ZSCAN30: variants seen among roughly 807,000 people sequenced by gnomAD.
The protein encoded by ZSCAN30 is zinc finger and SCAN domain containing 30, also known as zinc finger and SCAN domain-containing protein 30.
ZSCAN30 carries 37 observed loss-of-function variants against 44.3 expected under a neutral mutation model. That is an observed-to-expected ratio of 0.84 (90% CI 0.64 to 1.10). ZSCAN30 has a LOEUF of 1.10. Among genes scored for constraint, ZSCAN30 ranks in the 50% least tolerant of loss-of-function variants. ZSCAN30 has a pLI of 0.00. For missense variants in ZSCAN30, 549 were observed against 582.6 expected (o/e 0.94, Z 0.59); for synonymous variants, 181 against 204.6 (o/e 0.88, Z 0.98).
intron 3 of ZSCAN30, chr18:35,258,296 T>C (rs530399084): frequency 6.2e-5 from 20 of 322,484 alleles, no homozygotes; most frequent in Admixed American, 3.6e-4. Flanking sequence ...TCCAAGGACA[T>C]TGGAGAGATA....
intron 3 of ZSCAN30, chr18:35,257,905 C>T (rs781280555): frequency 1.5e-5 from 12 of 780,920 alleles, no homozygotes; most frequent in Non-Finnish European, 2.9e-5. Context: ...CTTCCTAATC[C>T]TGCTTCTCTC....
Position 35,251,387 on chromosome 18 carries a change from C to CT in ZSCAN30, c.*2062dup, listed in dbSNP as rs1047560780. 7.2e-5 allele frequency: 11 copies of CT among 152,160 alleles called. No individual in the cohort carries two copies. Among genetic ancestry groups the CT allele is most frequent in the Admixed American group, 4.6e-4 (7 of 15,268 alleles). The allele number at this position is 152,160 out of a possible 1,614,324, so 9.4% of individuals were successfully genotyped here. ...GTCACCTATAGGAAAAGGCAACTCA[C>CT]TATCCATTTGAAAGATCCCTTTAGA... On this transcript the variant is annotated 3_prime_UTR_variant, in exon 4 of 4. Coordinates refer to ENST00000333206, the MANE Select transcript of ZSCAN30 (RefSeq NM_001112734.4).
chr18:35,260,010 CTT>C (rs1395551364), intron 3 of ZSCAN30: 3 of 152,232 alleles, frequency 2.0e-5, no homozygotes, highest in African/African-American at 7.2e-5. Context: ...TATCCTGATG[CTT>C]TCTCTCCCAC....
At chr18:35,257,771 C>T (rs2043887817) in intron 3 of ZSCAN30, among the ~76,000 whole-genome samples, 1 of 152,186 alleles carries the variant, frequency 6.6e-6, no homozygotes, top group Non-Finnish European at 1.5e-5. Flanking sequence ...CTTCATTGCC[C>T]CATCTCTGCG....
chr18:35,271,978 G>T (rs1055534591), intron 1 of ZSCAN30, among the ~76,000 whole-genome samples: 1 of 152,110 alleles, frequency 6.6e-6, no homozygotes, highest in South Asian at 2.1e-4. Context: ...CCCGGAACTC[G>T]CGCTGGCACG....
chr18:35,263,545 TCA>T lies in ZSCAN30; in HGVS notation c.519_520del (p.Glu174AspfsTer28). On this transcript the variant is annotated frameshift_variant, in exon 3 of 4. Coordinates refer to ENST00000333206, the MANE Select transcript of ZSCAN30 (RefSeq NM_001112734.4). LOFTEE classifies it high-confidence loss of function. ...CTGGAAAGCCTGGGACTCCTGAGTC[TCA>T]GTCTTGCACTGGTTCTCTAAGGGCT... The T allele has an allele frequency of 6.2e-7, 1 of 1,614,206 alleles. No individual in the cohort carries two copies. The highest frequency in any genetic ancestry group is 8.5e-7 in the Non-Finnish European group (1 of 1,180,028).
chr18:35,267,141 G>T (rs1256887264), intron 1 of ZSCAN30: 1 of 152,212 alleles, frequency 6.6e-6, no homozygotes, highest in East Asian at 2.0e-4. Context: ...GAGCCAAGAG[G>T]AAGGCTGAGA....
intron 1 of ZSCAN30, among the ~76,000 whole-genome samples, chr18:35,286,276 G>T (rs1217760360): frequency 6.6e-6 from 1 of 152,124 alleles, no homozygotes; most frequent in Admixed American, 6.5e-5. Context: ...TACCAATTCT[G>T]TACAAACTCT....
chr18:35,270,836 T>C (rs1384458778), intron 1 of ZSCAN30, among the ~76,000 whole-genome samples: 1 of 152,222 alleles, frequency 6.6e-6, no homozygotes, highest in Non-Finnish European at 1.5e-5. Context: ...TGGTGTGTCC[T>C]GAGTTTGTTC....
At chr18:35,254,845 G>A (rs2043741244) in intron 3 of ZSCAN30, 1 of 188,926 alleles carries the variant, frequency 5.3e-6, no homozygotes, top group Admixed American at 5.4e-5. Flanking sequence ...AATGCTTTGG[G>A]AGTTAGCACT....
chr18:35,283,898 A>T (rs1322126675), intron 1 of ZSCAN30: 1 of 152,356 alleles, frequency 6.6e-6, no homozygotes, highest in African/African-American at 2.4e-5. Context: ...CTTGTCCTGC[A>T]TCCAGATAGA....
intron 1 of ZSCAN30, among the ~76,000 whole-genome samples, chr18:35,276,040 A>G (rs2044361326): frequency 1.3e-5 from 2 of 152,190 alleles, no homozygotes; most frequent in Non-Finnish European, 1.5e-5. Context: ...ATCCTTTTTT[A>G]TATGTTACTG....
chr18:35,283,318 G>A (rs943479746), intron 1 of ZSCAN30: 5 of 152,260 alleles, frequency 3.3e-5, no homozygotes, highest in African/African-American at 1.2e-4. Flanking sequence ...TTGAACCCAG[G>A]AGGTGGAGGT....
At chr18:35,260,762 G>A (rs762617725) in intron 3 of ZSCAN30, 1 of 151,946 alleles carries the variant, frequency 6.6e-6, no homozygotes, top group East Asian at 1.9e-4. Flanking sequence ...TTAGACCTTT[G>A]TCAGATGGAT....
In ZSCAN30 at chr18:35,264,117, G is replaced by A. The variant is rs928267219; in HGVS notation, c.236C>T (p.Pro79Leu). The A allele has an allele frequency of 9.3e-6, 15 of 1,614,016 alleles. No homozygotes were observed. The highest frequency in any genetic ancestry group is 2.2e-5 in the East Asian group (1 of 44,886). The change falls in exon 2 of 4, where the codon CCG becomes CTG. Residue 79 changes from proline to leucine, a missense_variant. Coordinates refer to ENST00000333206, the MANE Select transcript of ZSCAN30 (RefSeq NM_001112734.4). ...GATCTGCTCCTTGGAGTGCACCTCC[G>A]GCCTCAACCACTGACAGCAAAGCTC... ...LRELCCQWLR[P>L]EVHSKEQILE...
intron 3 of ZSCAN30, chr18:35,263,269 AG>A: frequency 4.2e-6 from 2 of 476,264 alleles, no homozygotes; most frequent in Non-Finnish European, 7.3e-6. Flanking sequence ...AAAAAGAAAA[AG>A]AAAAAAAATA....
chr18:35,284,590 G>C (rs941738189), intron 1 of ZSCAN30: 1 of 155,044 alleles, frequency 6.4e-6, no homozygotes. Flanking sequence ...ACCCTGGCTC[G>C]GCCCCAACCT....
intron 1 of ZSCAN30, chr18:35,267,510 C>A (rs1312976057): frequency 1.3e-5 from 2 of 152,096 alleles, no homozygotes; most frequent in Non-Finnish European, 2.9e-5. Flanking sequence ...GAACCCACCC[C>A]CGGGAGCGAG....
At chr18:35,259,475 C>T (rs1233060738) in intron 3 of ZSCAN30, among the ~76,000 whole-genome samples, 5 of 152,218 alleles carry the variant, frequency 3.3e-5, no homozygotes, top group Non-Finnish European at 7.3e-5. Flanking sequence ...CCACTGCACC[C>T]GGCCACAGAT....
Sources: allele counts gnomAD v4.1 joint callset (sites outside exome capture counted in the v4.1 genomes callset), GRCh38; gene constraint gnomAD v4.1.1; transcripts MANE v1.5; gene names NCBI Gene and HGNC (gene_info 2026-07-23, HGNC 2026-07-21).